Variants in MCPH1 observed in about 807,000 individuals in gnomAD.
MCPH1 encodes the protein microcephalin.
MCPH1 carries 104 observed loss-of-function variants against 84.5 expected under a neutral mutation model. The ratio of observed to expected loss-of-function variants is 1.23; its 90% CI spans 1.05 to 1.45. MCPH1 has a LOEUF of 1.45. MCPH1 is among the 40% of genes most tolerant of loss of function. The pLI is 0.00. For missense variants in MCPH1, 1,498 were observed against 1,005.7 expected (o/e 1.49, Z -6.62); for synonymous variants, 514 against 366.8 (o/e 1.40, Z -4.58).
At chr8:6,461,303 A>G (rs1227144393) in intron 9 of MCPH1, among the ~76,000 whole-genome samples, 1 of 142,430 alleles carries the variant, frequency 7.0e-6, no homozygotes, top group Non-Finnish European at 1.5e-5. Context: ...TTTTAAATAT[A>G]CTTGTTTCAA....
At chr8:6,457,667 C>T (rs927986092) in intron 9 of MCPH1, among the ~76,000 whole-genome samples, 1 of 152,082 alleles carries the variant, frequency 6.6e-6, no homozygotes, top group Admixed American at 6.6e-5. Context: ...CCAGCAGCTC[C>T]CGACCCCAGT....
intron 12 of MCPH1, among the ~76,000 whole-genome samples, chr8:6,607,769 G>A (rs1041507706): frequency 6.6e-6 from 1 of 152,222 alleles, no homozygotes; most frequent in Admixed American, 6.5e-5. Context: ...TGCCATGTAA[G>A]ACATGCTGTC....
chr8:6,554,957 T>C, intron 12 of MCPH1, among the ~76,000 whole-genome samples: 1 of 152,184 alleles, frequency 6.6e-6, no homozygotes, highest in Non-Finnish European at 1.5e-5. Flanking sequence ...AAATATCTAA[T>C]TAAAATATTA....
At chr8:6,615,957 T>C (rs1830746577) in intron 12 of MCPH1, 1 of 152,148 alleles carries the variant, frequency 6.6e-6, no homozygotes, top group Non-Finnish European at 1.5e-5. Context: ...ATTTAATACC[T>C]CGAGGAGGGT....
rs34907559 is a variant in MCPH1, at chr8:6,645,606, C to CAAAAAAA, written c.*2571_*2577dup. The CAAAAAAA allele has an allele frequency of 1.9e-5, 1 of 51,764 alleles. No individual in the cohort carries two copies. The highest frequency in any genetic ancestry group is 4.2e-5 in the Non-Finnish European group (1 of 23,686). 3.2% of individuals were successfully genotyped at this position (51,764 alleles called of 1,614,324 possible). ...CTATGTATAGAAATTGTAAGGAATGCAAAAAAAAAAAAAAAAAAAAGCCCT... is the reference window on the plus strand; with the variant it reads ...CTATGTATAGAAATTGTAAGGAATGCAAAAAAAAAAAAAAAAAAAAAAAAAAAGCCCT... On this transcript the variant is annotated 3_prime_UTR_variant, in exon 14 of 14. Transcript: ENST00000344683.
intron 8 of MCPH1, among the ~76,000 whole-genome samples, chr8:6,447,604 G>A (rs1033720456): frequency 1.3e-5 from 2 of 152,186 alleles, no homozygotes; most frequent in African/African-American, 2.4e-5. Flanking sequence ...AGGTTGGAGT[G>A]CAGTGGCACA....
chr8:6,456,090 T>G (rs2922823), intron 9 of MCPH1, among the ~76,000 whole-genome samples: 43,971 of 152,076 alleles, frequency 0.29, 8,938 homozygotes, highest in African/African-American at 0.58. Context: ...ATTACACAGA[T>G]TTCATGAAAG....
intron 12 of MCPH1, among the ~76,000 whole-genome samples, chr8:6,505,209 A>C: frequency 1.8e-5 from 1 of 55,528 alleles, no homozygotes; most frequent in East Asian, 1.3e-3. Flanking sequence ...TATATATAGA[A>C]TATATATATA....
intron 12 of MCPH1, among the ~76,000 whole-genome samples, chr8:6,517,984 A>G (rs1816596517): frequency 6.6e-6 from 1 of 152,208 alleles, no homozygotes; most frequent in Non-Finnish European, 1.5e-5. Context: ...TTTAAAGGGA[A>G]TATAAATCCT....
At chr8:6,562,634 A>ATT in intron 12 of MCPH1, 2 of 1,496,110 alleles carry the variant, frequency 1.3e-6, no homozygotes, top group East Asian at 2.5e-5. Context: ...AGACAGATGG[A>ATT]TTTTTTTCCT....
chr8:6,631,039 A>C (rs965501821), intron 13 of MCPH1, among the ~76,000 whole-genome samples: 3 of 152,192 alleles, frequency 2.0e-5, no homozygotes, highest in East Asian at 1.9e-4. Flanking sequence ...TGCTCTAAAC[A>C]ACCACCAAAT....
At chr8:6,638,014 C>A (rs1241264548) in intron 13 of MCPH1, among the ~76,000 whole-genome samples, 1 of 152,100 alleles carries the variant, frequency 6.6e-6, no homozygotes, top group African/African-American at 2.4e-5. Context: ...GAAGCCAGGA[C>A]CCGGGAGAAG....
chr8:6,562,527 A>C, intron 12 of MCPH1: 4 of 823,156 alleles, frequency 4.9e-6, no homozygotes, highest in Non-Finnish European at 5.0e-6. Flanking sequence ...CCCGCTCTCC[A>C]GCTCTAATCC....
At chr8:6,478,019 G>T (rs569624201) in intron 10 of MCPH1, among the ~76,000 whole-genome samples, 4 of 152,264 alleles carry the variant, frequency 2.6e-5, no homozygotes, top group African/African-American at 9.6e-5. Context: ...TGCATTTTGT[G>T]GAAGGGTTAA....
Position 6,631,654 on chromosome 8 carries a change from TAA to T in MCPH1, c.2452+9976_2452+9977del, listed in dbSNP as rs546705142. ...CTCACACCCATTATGATTGCTACTA[TAA>T]AAAAAAAAAAAACCCAGAAAATAAC... is the stretch of plus-strand genomic sequence containing the variant. On this transcript the variant is annotated intron_variant, in intron 13 of 13. Transcript: ENST00000344683. Among the ~76,000 whole-genome samples, 1,090 of 134,428 alleles carry T rather than the reference TAA, an allele frequency of 8.1e-3. 10 individuals are homozygous for T. Among genetic ancestry groups the T allele is most frequent in the African/African-American group, 0.028 (1,026 of 36,696 alleles). 88.2% of individuals were successfully genotyped at this position (134,428 alleles called of 152,430 possible).
intron 9 of MCPH1, among the ~76,000 whole-genome samples, chr8:6,471,337 C>T (rs1266377825): frequency 6.6e-6 from 1 of 152,148 alleles, no homozygotes; most frequent in Non-Finnish European, 1.5e-5. Flanking sequence ...TAGTTATGTC[C>T]TGGTAACTAG....
In MCPH1 at chr8:6,407,400, C is replaced by T. The variant is rs376947932; in HGVS notation, c.22+711C>T. On this transcript the variant is annotated intron_variant, in intron 1 of 13. Transcript: ENST00000344683. ...GGCATCGGACGTTTAGGTGACTCTCCCTGTGTGTGGCTAGTCAGTGCTGAC... is the reference window on the plus strand; with the variant it reads ...GGCATCGGACGTTTAGGTGACTCTCTCTGTGTGTGGCTAGTCAGTGCTGAC... 4.6e-5 allele frequency among the ~76,000 whole-genome samples: 7 copies of T among 152,004 alleles called. No homozygotes were observed. The South Asian group carries it at 1.5e-3, about 32-fold the overall frequency.
At chr8:6,502,388 G>C (rs908068390) in intron 12 of MCPH1, 1 of 152,060 alleles carries the variant, frequency 6.6e-6, no homozygotes, top group African/African-American at 2.4e-5. Context: ...AAACTAAAAT[G>C]GCACGTTTCT....
intron 11 of MCPH1, among the ~76,000 whole-genome samples, chr8:6,483,771 A>T (rs1809523809): frequency 6.6e-6 from 1 of 152,144 alleles, no homozygotes; most frequent in African/African-American, 2.4e-5. Context: ...GAGGCACAAG[A>T]ATCACTTAAA....
Sources: allele counts gnomAD v4.1 joint callset (sites outside exome capture counted in the v4.1 genomes callset), GRCh38; gene constraint gnomAD v4.1.1; transcripts MANE v1.5; gene names NCBI Gene and HGNC (gene_info 2026-07-23, HGNC 2026-07-21).